The following CDK6 variants were observed in gnomAD, a reference collection of about 807,000 sequenced individuals.
CDK6 encodes cyclin dependent kinase 6.
CDK6 carries 6 observed loss-of-function variants against 37.1 expected under a neutral mutation model. The ratio of observed to expected loss-of-function variants is 0.16; its 90% CI spans 0.09 to 0.32. The LOEUF (loss-of-function observed/expected upper bound fraction) is 0.32. CDK6 is among the 10% of genes least tolerant of loss of function. The pLI, the probability that CDK6 is intolerant of heterozygous loss-of-function variation, is 1.00. For synonymous variants in CDK6, 160 were observed against 161.3 expected (o/e 0.99, Z 0.06); for missense variants, 224 against 418.9 (o/e 0.53, Z 4.06).
rs3731378 is a variant in CDK6 at position 92,616,654 on chromosome 7, A to AAATTAGGTAGTGG, written c.835-1381_835-1369dup. 5.3e-5 allele frequency among the ~76,000 whole-genome samples: 8 copies of AAATTAGGTAGTGG among 152,308 alleles called. No individual in the cohort carries two copies. In the East Asian group the frequency reaches 1.5e-3, roughly 29 times the overall value. ...CTTTTCCCAGAGCCCAAGAAGGAGA[A>AAATTAGGTAGTGG]AATTAGGTAGTGGCATTTAATCTCC... On this transcript the variant is annotated intron_variant, in intron 7 of 7. Transcript: ENST00000424848.
At chr7:92,757,667 A>C (rs1360686212) in intron 3 of CDK6, among the ~76,000 whole-genome samples, 1 of 152,150 alleles carries the variant, frequency 6.6e-6, no homozygotes, top group Non-Finnish European at 1.5e-5. Flanking sequence ...CTGGGTATAC[A>C]CCCAGTAAAG....
intron 3 of CDK6, among the ~76,000 whole-genome samples, chr7:92,770,174 A>G (rs1451852365): frequency 6.6e-6 from 1 of 152,194 alleles, no homozygotes. Context: ...ATATCTGTTG[A>G]CTTCACAGGA....
intron 5 of CDK6, among the ~76,000 whole-genome samples, chr7:92,650,763 G>T (rs1172563181): frequency 6.6e-6 from 1 of 152,202 alleles, no homozygotes; most frequent in Non-Finnish European, 1.5e-5. Context: ...GCTGCCCATT[G>T]TTCCTAGAGG....
intron 5 of CDK6, among the ~76,000 whole-genome samples, chr7:92,652,092 G>T (rs146244037): frequency 1.3e-5 from 2 of 152,260 alleles, no homozygotes; most frequent in East Asian, 3.9e-4. Context: ...TATTTATTAA[G>T]CAGTTCCACA....
intron 3 of CDK6, among the ~76,000 whole-genome samples, chr7:92,750,472 T>C (rs1328763084): frequency 6.6e-6 from 1 of 152,216 alleles, no homozygotes; most frequent in African/African-American, 2.4e-5. Context: ...TCCACTTTGA[T>C]CAACCTTGCC....
At chr7:92,717,395 G>GA (rs1245628277) in intron 4 of CDK6, among the ~76,000 whole-genome samples, 1 of 121,962 alleles carries the variant, frequency 8.2e-6, no homozygotes, top group Non-Finnish European at 1.6e-5. Flanking sequence ...GAAAGGAAAG[G>GA]AAAAAGGAAG....
At chr7:92,756,303 A>C (rs1203814652) in intron 3 of CDK6, among the ~76,000 whole-genome samples, 3 of 152,196 alleles carry the variant, frequency 2.0e-5, no homozygotes, top group African/African-American at 7.2e-5. Flanking sequence ...AAATTTGGGA[A>C]GCCCTAAGGC....
chr7:92,657,792 T>C (rs1796730273), intron 5 of CDK6, among the ~76,000 whole-genome samples: 1 of 152,354 alleles, frequency 6.6e-6, no homozygotes. Flanking sequence ...CATAGCTCAC[T>C]GCAGTCTCCA....
chr7:92,661,822 T>C (rs1413550354), intron 5 of CDK6, among the ~76,000 whole-genome samples: 2 of 152,180 alleles, frequency 1.3e-5, no homozygotes, highest in African/African-American at 4.8e-5. Flanking sequence ...CCTGTGTAGT[T>C]CAAACCTATG....
chr7:92,744,279 A>G (rs1205273320), intron 3 of CDK6, among the ~76,000 whole-genome samples: 1 of 152,192 alleles, frequency 6.6e-6, no homozygotes, highest in East Asian at 1.9e-4. Flanking sequence ...GCGGAAGGCA[A>G]AGGAGGAGAA....
intron 5 of CDK6, among the ~76,000 whole-genome samples, chr7:92,665,940 T>G (rs749360833): frequency 1.3e-5 from 2 of 152,228 alleles, no homozygotes; most frequent in African/African-American, 2.4e-5. Flanking sequence ...TAGTTCATTA[T>G]CTGTAAGCTC....
intron 3 of CDK6, among the ~76,000 whole-genome samples, chr7:92,747,568 C>T (rs1799089309): frequency 6.6e-6 from 1 of 152,196 alleles, no homozygotes. Context: ...GACTTCAAAT[C>T]TCTGGCTTCT....
intron 2 of CDK6, among the ~76,000 whole-genome samples, chr7:92,818,032 T>C (rs1801072583): frequency 6.6e-6 from 1 of 152,006 alleles, no homozygotes; most frequent in Non-Finnish European, 1.5e-5. Context: ...TCAGTGTCAA[T>C]ATCTATGCCT....
At chr7:92,807,298 T>G (rs1800750822) in intron 2 of CDK6, among the ~76,000 whole-genome samples, 1 of 152,154 alleles carries the variant, frequency 6.6e-6, no homozygotes, top group Non-Finnish European at 1.5e-5. Flanking sequence ...TGGAGACATG[T>G]ATATCTATAT....
intron 5 of CDK6, among the ~76,000 whole-genome samples, chr7:92,664,045 G>A (rs1190536006): frequency 6.6e-6 from 1 of 152,022 alleles, no homozygotes; most frequent in Non-Finnish European, 1.5e-5. Context: ...GGAGGCTGAG[G>A]CAGGAGAATG....
intron 2 of CDK6, among the ~76,000 whole-genome samples, chr7:92,812,823 C>A (rs1314719642): frequency 2.0e-5 from 3 of 152,136 alleles, no homozygotes; most frequent in Admixed American, 2.0e-4. Context: ...TCATGGTTTA[C>A]CGTACAGACA....
intron 4 of CDK6, among the ~76,000 whole-genome samples, chr7:92,679,234 TCA>T (rs1797277994): frequency 6.6e-6 from 1 of 152,260 alleles, no homozygotes; most frequent in Non-Finnish European, 1.5e-5. Context: ...TCTCCAAGTT[TCA>T]GTTTTCTCAT....
rs752308623 is a variant in CDK6 at position 92,623,136 on chromosome 7, T to C, written c.648-50A>G. 1.5e-5 allele frequency: 18 copies of C among 1,199,206 alleles called. No homozygotes were observed. In the Admixed American group the frequency reaches 3.4e-4, roughly 23 times the overall value. The allele number at this position is 1,199,206 out of a possible 1,614,324, so 74.3% of individuals were successfully genotyped here. On this transcript the variant is annotated intron_variant, in intron 5 of 7. Coordinates refer to ENST00000424848, the MANE Select transcript of CDK6 (RefSeq NM_001145306.2). ...AATAAGAAATGTTCTCAGATTACAT[T>C]TCAATCATATTTGCCATTATCATTG...
intron 5 of CDK6, among the ~76,000 whole-genome samples, chr7:92,652,222 A>G (rs983352595): frequency 1.8e-4 from 28 of 152,354 alleles, no homozygotes; most frequent in African/African-American, 5.0e-4. Context: ...GGAACACATC[A>G]CCCACCTGAG....
Sources: allele counts gnomAD v4.1 joint callset (sites outside exome capture counted in the v4.1 genomes callset), GRCh38; gene constraint gnomAD v4.1.1; transcripts MANE v1.5; gene names NCBI Gene and HGNC (gene_info 2026-07-23, HGNC 2026-07-21).